FHIT: variants seen among roughly 807,000 people sequenced by gnomAD.
FHIT encodes fragile histidine triad diadenosine triphosphatase, also known as bis(5'-adenosyl)-triphosphatase.
FHIT carries 19 observed loss-of-function variants against 17.9 expected under a neutral mutation model. The ratio of observed to expected loss-of-function variants is 1.06; its 90% CI spans 0.74 to 1.56. The LOEUF is 1.56. FHIT is among the 40% of genes most tolerant of loss of function. FHIT has a pLI of 0.00. For synonymous variants in FHIT, 81 were observed against 69.7 expected (o/e 1.16, Z -0.81); for missense variants, 248 against 189.2 (o/e 1.31, Z -1.82).
intron 5 of FHIT, among the ~76,000 whole-genome samples, chr3:60,247,325 G>T (rs1170663519): frequency 2.0e-5 from 3 of 151,866 alleles, no homozygotes. Flanking sequence ...GAAGTTTAAG[G>T]CCAGCCTGGG....
At chr3:60,395,118 G>A (rs531794139) in intron 5 of FHIT, among the ~76,000 whole-genome samples, 8 of 152,258 alleles carry the variant, frequency 5.3e-5, no homozygotes, top group African/African-American at 1.7e-4. Context: ...TAGTTGAAAC[G>A]GCAGAAATAG....
chr3:60,329,705 A>C (rs937779711), intron 5 of FHIT, among the ~76,000 whole-genome samples: 3 of 152,192 alleles, frequency 2.0e-5, no homozygotes, highest in African/African-American at 7.2e-5. Context: ...AGAAAGAAGC[A>C]ATCAGAACAA....
intron 2 of FHIT, among the ~76,000 whole-genome samples, chr3:61,193,407 C>A (rs1011234560): frequency 6.6e-6 from 1 of 152,132 alleles, no homozygotes; most frequent in African/African-American, 2.4e-5. Context: ...AAATCCCAGC[C>A]TTCTTTGCAC....
At chr3:60,096,996 C>A (rs1377167705) in intron 5 of FHIT, among the ~76,000 whole-genome samples, 10 of 130,150 alleles carry the variant, frequency 7.7e-5, no homozygotes, top group African/African-American at 2.3e-4. Flanking sequence ...ACCTGGCCAA[C>A]ACAGTGAGAC....
intron 4 of FHIT, among the ~76,000 whole-genome samples, chr3:60,727,779 G>C (rs1487386654): frequency 6.6e-6 from 1 of 152,230 alleles, no homozygotes; most frequent in Non-Finnish European, 1.5e-5. Context: ...CGAGGCGGGC[G>C]GATCACAAGG....
chr3:60,605,356 A>C (rs2107720796), intron 4 of FHIT, among the ~76,000 whole-genome samples: 1 of 152,326 alleles, frequency 6.6e-6, no homozygotes, highest in African/African-American at 2.4e-5. Flanking sequence ...TGGTGAGAAC[A>C]CATCAATAGA....
rs561343229 is a variant in FHIT, at chr3:60,776,615, C to G, written c.-18+45304G>C. Among the ~76,000 whole-genome samples the G allele has an allele frequency of 1.6e-4, 25 of 152,242 alleles. 2 individuals are homozygous for G. In the South Asian group the frequency reaches 4.3e-3, roughly 26 times the overall value. On this transcript the variant is annotated intron_variant, in intron 4 of 9. Coordinates refer to ENST00000492590, the MANE Select transcript of FHIT (RefSeq NM_002012.4). Reference sequence around the variant, plus strand: ...ACAACTGGTAAGGCCTGGGGACACACGGAACTAACCGCACCCTTAACTAAG... The same window carrying G: ...ACAACTGGTAAGGCCTGGGGACACAGGGAACTAACCGCACCCTTAACTAAG...
At chr3:59,942,333 T>G (rs757342713) in intron 7 of FHIT, among the ~76,000 whole-genome samples, 8 of 152,020 alleles carry the variant, frequency 5.3e-5, no homozygotes, top group Non-Finnish European at 1.0e-4. Flanking sequence ...TACACTACCT[T>G]CCTCCTCCCC....
At chr3:60,766,612 A>G (rs550033606) in intron 4 of FHIT, among the ~76,000 whole-genome samples, 1 of 152,134 alleles carries the variant, frequency 6.6e-6, no homozygotes, top group East Asian at 1.9e-4. Flanking sequence ...TATTGTCTCA[A>G]ATAAACCCAG....
intron 2 of FHIT, among the ~76,000 whole-genome samples, chr3:61,198,067 A>G (rs925547254): frequency 6.6e-6 from 1 of 152,120 alleles, no homozygotes; most frequent in African/African-American, 2.4e-5. Flanking sequence ...TGGCATTTTA[A>G]TTGTAAACCT....
At chr3:59,828,843 CTCTCTGTGTG>C (rs1174380917) in intron 8 of FHIT, among the ~76,000 whole-genome samples, 2 of 146,860 alleles carry the variant, frequency 1.4e-5, no homozygotes, top group African/African-American at 5.2e-5. Flanking sequence ...CAATGGTACT[CTCTCTGTGTG>C]TGTGTGTGTG....
chr3:60,954,364 C>T (rs1259066990), intron 3 of FHIT, among the ~76,000 whole-genome samples: 1 of 152,082 alleles, frequency 6.6e-6, no homozygotes. Context: ...ATTTCCTGAC[C>T]AAACATTCAT....
chr3:60,526,985 G>A (rs952986673), intron 5 of FHIT, among the ~76,000 whole-genome samples: 2 of 152,190 alleles, frequency 1.3e-5, no homozygotes, highest in Admixed American at 6.5e-5. Flanking sequence ...CGGTTTGGGG[G>A]CGTGGAGGTA....
chr3:61,237,467 A>T (rs536390969), intron 1 of FHIT, among the ~76,000 whole-genome samples: 31 of 152,320 alleles, frequency 2.0e-4, no homozygotes, highest in African/African-American at 7.2e-4. Flanking sequence ...TTTTCAGTAA[A>T]CTTTAAATAG....
At chr3:60,120,311 T>C (rs867514697) in intron 5 of FHIT, among the ~76,000 whole-genome samples, 1 of 152,218 alleles carries the variant, frequency 6.6e-6, no homozygotes, top group African/African-American at 2.4e-5. Context: ...TAGTAGTTAT[T>C]TGCTAAGCAT....
intron 4 of FHIT, among the ~76,000 whole-genome samples, chr3:60,549,713 T>C (rs2036483170): frequency 1.3e-5 from 2 of 152,192 alleles, no homozygotes; most frequent in African/African-American, 4.8e-5. Flanking sequence ...CTAAATGTCC[T>C]AGATAAAACA....
At chr3:59,808,648 C>A (rs1700295900) in intron 8 of FHIT, among the ~76,000 whole-genome samples, 1 of 152,186 alleles carries the variant, frequency 6.6e-6, no homozygotes, top group Non-Finnish European at 1.5e-5. Context: ...CAGCTTTCTG[C>A]TGAGCTGATC....
chr3:60,691,603 G>A (rs532711342), intron 4 of FHIT, among the ~76,000 whole-genome samples: 46 of 152,184 alleles, frequency 3.0e-4, no homozygotes, highest in Non-Finnish European at 5.6e-4. Flanking sequence ...CTGGGCTTGA[G>A]CAATCTGCCT....
chr3:60,781,252 T>C (rs1298883578), intron 4 of FHIT, among the ~76,000 whole-genome samples: 2 of 152,176 alleles, frequency 1.3e-5, no homozygotes, highest in African/African-American at 2.4e-5. Context: ...GATTCACTTA[T>C]TGACTCATTA....
Sources: gnomAD v4.1 joint callset for allele counts (sites outside exome capture counted in the v4.1 genomes callset) on GRCh38, gnomAD v4.1.1 for gene constraint, MANE v1.5 for transcripts, NCBI Gene and HGNC (gene_info 2026-07-23, HGNC 2026-07-21) for gene names.